SULF1: variants seen among roughly 807,000 people sequenced by gnomAD.
The protein encoded by SULF1 is extracellular sulfatase Sulf-1.
In SULF1, 46 loss-of-function variants were observed where a neutral mutation model predicts 110.5. That is an observed-to-expected ratio of 0.42 (90% confidence interval 0.33 to 0.53). The LOEUF (loss-of-function observed/expected upper bound fraction) is 0.53. Ranked by LOEUF, SULF1 falls within the 20% of genes least tolerant of loss-of-function variation. The probability of loss-of-function intolerance (pLI) is 0.12; values close to 1 mark genes in which losing one functional copy is unlikely to be tolerated. For missense variants in SULF1, 941 were observed against 1,094.2 expected (o/e 0.86, Z 1.98); for synonymous variants, 371 against 387.1 (o/e 0.96, Z 0.49).
intron 19 of SULF1, among the ~76,000 whole-genome samples, chr8:69,635,451 A>G (rs1810916392): frequency 1.3e-5 from 2 of 152,256 alleles, no homozygotes; most frequent in Admixed American, 1.3e-4. Flanking sequence ...AACCGCTCTA[A>G]AAAATAGTCT....
At chr8:69,573,820 A>G (rs1189941617) in intron 5 of SULF1, among the ~76,000 whole-genome samples, 3 of 152,188 alleles carry the variant, frequency 2.0e-5, no homozygotes, top group African/African-American at 7.2e-5. Flanking sequence ...CCCATAAGGC[A>G]TATTCCTTTT....
chr8:69,576,771 T>A (rs1805638737), intron 6 of SULF1, among the ~76,000 whole-genome samples: 1 of 152,250 alleles, frequency 6.6e-6, no homozygotes. Context: ...GTAGCATTTC[T>A]TCATAAAAGG....
chr8:69,531,748 A>C (rs1813097219), intron 3 of SULF1, among the ~76,000 whole-genome samples: 1 of 152,182 alleles, frequency 6.6e-6, no homozygotes, highest in Non-Finnish European at 1.5e-5. Context: ...ATGTTTTTTA[A>C]ATGTAAGCAC....
chr8:69,636,621 C>G (rs1165749718), intron 19 of SULF1, among the ~76,000 whole-genome samples: 2 of 152,064 alleles, frequency 1.3e-5, no homozygotes, highest in African/African-American at 2.4e-5. Context: ...GAAGTGTTTT[C>G]CCTACAGAAA....
intron 18 of SULF1, 54 bp from the exon 19 acceptor site, chr8:69,629,447 TTTG>T (rs776067579): frequency 6.7e-5 from 102 of 1,530,840 alleles, no homozygotes; most frequent in Non-Finnish European, 8.6e-5. Flanking sequence ...AACAAGCCTA[TTTG>T]TAATTGAGAA....
chr8:69,579,305 G>A (rs969328231), intron 6 of SULF1, among the ~76,000 whole-genome samples: 1 of 151,898 alleles, frequency 6.6e-6, no homozygotes, highest in Non-Finnish European at 1.5e-5. Context: ...TGTAATCCCA[G>A]CACTTTGGGA....
chr8:69,642,889 C>T (rs567165307), intron 22 of SULF1, among the ~76,000 whole-genome samples: 3 of 152,316 alleles, frequency 2.0e-5, no homozygotes, highest in Admixed American at 2.0e-4. Context: ...TCCCTGCCAC[C>T]ACCACTCAAT....
At chr8:69,565,665 G>A (rs777732772) in intron 5 of SULF1, among the ~76,000 whole-genome samples, 6 of 152,104 alleles carry the variant, frequency 3.9e-5, no homozygotes, top group Non-Finnish European at 2.9e-5. Context: ...TCAATTGCCA[G>A]AGTTATCTTT....
rs1811212882 is a variant in SULF1 at position 69,638,369 on chromosome 8, A to G, written c.2285-133A>G. On this transcript the variant is annotated intron_variant, in intron 19 of 22. Transcript: ENST00000402687. Reference sequence around the variant, plus strand: ...GGGGAAAGGTATTATTATTCTTAACATGAAACCACAATATTTATAAGAAAG... The same window carrying G: ...GGGGAAAGGTATTATTATTCTTAACGTGAAACCACAATATTTATAAGAAAG... The G allele has an allele frequency of 3.6e-6, 4 of 1,101,056 alleles. No individual in the cohort carries two copies. The South Asian group carries it at 6.1e-5, about 17-fold the overall frequency. The allele number at this position is 1,101,056 out of a possible 1,614,324, so 68.2% of individuals were successfully genotyped here.
chr8:69,534,623 G>GATCTTTC lies in SULF1; in HGVS notation c.-133-28913_-133-28907dup, dbSNP rs4009025. Among the ~76,000 whole-genome samples, 682 of 152,230 alleles carry GATCTTTC rather than the reference G, an allele frequency of 4.5e-3. 5 individuals carry two copies. Among genetic ancestry groups the GATCTTTC allele is most frequent in the African/African-American group, 0.015 (640 of 41,526 alleles). On this transcript the variant is annotated intron_variant, in intron 3 of 22. Coordinates refer to ENST00000402687, the MANE Select transcript of SULF1 (RefSeq NM_001128205.2). The stretch of plus-strand genomic sequence containing the variant: ...CACTTAACATTGGTGAAGTAAGCAT[G>GATCTTTC]ATCTTTCATGTATCACAGACTTCAT...
At chr8:69,594,262 G>T (rs1008135929) in intron 8 of SULF1, among the ~76,000 whole-genome samples, 3 of 152,082 alleles carry the variant, frequency 2.0e-5, no homozygotes, top group Non-Finnish European at 4.4e-5. Flanking sequence ...TGTTGTTCAG[G>T]CTGGTCTTGA....
At chr8:69,557,843 A>G (rs1030043414) in intron 3 of SULF1, among the ~76,000 whole-genome samples, 3 of 152,152 alleles carry the variant, frequency 2.0e-5, no homozygotes, top group Non-Finnish European at 4.4e-5. Flanking sequence ...TTAGCCAAAT[A>G]TTTCCCCACA....
At chr8:69,538,000 A>G (rs1016890230) in intron 3 of SULF1, among the ~76,000 whole-genome samples, 1 of 147,748 alleles carries the variant, frequency 6.8e-6, no homozygotes, top group African/African-American at 2.5e-5. Context: ...TCGCTCTTTC[A>G]CCCAGGCTGT....
At chr8:69,514,900 A>G (rs1168897285) in intron 3 of SULF1, among the ~76,000 whole-genome samples, 3 of 152,300 alleles carry the variant, frequency 2.0e-5, no homozygotes, top group Non-Finnish European at 4.4e-5. Flanking sequence ...TCCAGGCCAC[A>G]CTGCTGCAAG....
chr8:69,516,862 AC>A (rs1334672351), intron 3 of SULF1, among the ~76,000 whole-genome samples: 1 of 152,186 alleles, frequency 6.6e-6, no homozygotes, highest in Admixed American at 6.5e-5. Context: ...ACATTAAAAA[AC>A]AAATACCTTA....
chr8:69,536,253 A>T (rs1160733782), intron 3 of SULF1, among the ~76,000 whole-genome samples: 2 of 152,162 alleles, frequency 1.3e-5, no homozygotes. Flanking sequence ...ACCTGCTTAC[A>T]TGTGTAAATT....
chr8:69,637,995 A>T (rs1489874033), intron 19 of SULF1: 2 of 163,792 alleles, frequency 1.2e-5, no homozygotes, highest in Non-Finnish European at 2.6e-5. Context: ...GACCATCCCA[A>T]ATCCTCCAGG....
intron 13 of SULF1, among the ~76,000 whole-genome samples, chr8:69,609,296 T>A (rs1480224093): frequency 6.6e-6 from 1 of 152,024 alleles, no homozygotes; most frequent in East Asian, 1.9e-4. Context: ...CAGTGAGCCG[T>A]GATCGTGCCA....
At chr8:69,631,126 G>A (rs1321457202) in intron 19 of SULF1, among the ~76,000 whole-genome samples, 1 of 152,188 alleles carries the variant, frequency 6.6e-6, no homozygotes, top group Non-Finnish European at 1.5e-5. Flanking sequence ...CTGTGGGAGG[G>A]AGCGTGTTCC....
Sources: allele counts gnomAD v4.1 joint callset (sites outside exome capture counted in the v4.1 genomes callset), GRCh38; gene constraint gnomAD v4.1.1; transcripts MANE v1.5; gene names NCBI Gene and HGNC (gene_info 2026-07-23, HGNC 2026-07-21).